The following EMC7 variants were observed in gnomAD, a reference collection of about 807,000 sequenced individuals.
EMC7 encodes the protein ER membrane protein complex subunit 7.
In EMC7, 4 loss-of-function variants were observed where a neutral mutation model predicts 24.4. That is an observed-to-expected ratio of 0.16 (90% CI 0.08 to 0.38). EMC7 has a LOEUF of 0.38. Among genes scored for constraint, EMC7 ranks in the 10% least tolerant of loss-of-function variants. The pLI, the probability that EMC7 is intolerant of heterozygous loss-of-function variation, is 1.00. For synonymous variants in EMC7, 106 were observed against 112.0 expected (o/e 0.95, Z 0.34); for missense variants, 221 against 300.6 (o/e 0.74, Z 1.96).
At chr15:34,098,162 C>T (rs34196590) in intron 1 of EMC7, among the ~76,000 whole-genome samples, 14,204 of 152,058 alleles carry the variant, frequency 0.093, 884 homozygotes, top group East Asian at 0.31. Flanking sequence ...CCCCCCAGAC[C>T]TCTCACTGAC....
Position 34,093,486 on chromosome 15 carries a change from G to A in EMC7, c.356+2409C>T, listed in dbSNP as rs562786463. 1.0e-4 allele frequency among the ~76,000 whole-genome samples: 15 copies of A among 150,500 alleles called. No homozygotes were observed. The East Asian group carries it at 1.9e-3, about 20-fold the overall frequency. On this transcript the variant is annotated intron_variant, in intron 2 of 4. Coordinates refer to ENST00000256545, the MANE Select transcript of EMC7 (RefSeq NM_020154.3). ...GTTGAACCATTGTAAGCTGGGGACC[G>A]TCTATATTTAAAACAATATTCCTAT...
intron 1 of EMC7, among the ~76,000 whole-genome samples, chr15:34,099,130 T>G (rs1160686353): frequency 6.6e-6 from 1 of 152,128 alleles, no homozygotes; most frequent in Non-Finnish European, 1.5e-5. Context: ...TCCTTATTTT[T>G]TGGAGATACA....
In EMC7 at chr15:34,101,717, T is replaced by C; in HGVS notation, c.123A>G (p.Ile41Met). The change falls in exon 1 of 5, where the codon ATA becomes ATG. Residue 41 changes from isoleucine (I) to methionine (M), a missense_variant. Coordinates refer to ENST00000256545, the MANE Select transcript of EMC7 (RefSeq NM_020154.3). ...AEGSGGSGVG[I>M]GDRFKIEGRA... ...GCCCCTCAATCTTGAAGCGATCTCC[T>C]ATGCCGACCCCACTCCCTCCCGATC... is the stretch of plus-strand genomic sequence containing the variant. 1.2e-6 allele frequency: 2 copies of C among 1,613,528 alleles called. No homozygotes were observed. The highest frequency in any genetic ancestry group is 1.7e-6 in the Non-Finnish European group (2 of 1,179,904).
chr15:34,096,081 T>C, intron 1 of EMC7, 67 bp from the exon 2 acceptor site: 1 of 1,408,222 alleles, frequency 7.1e-7, no homozygotes, highest in Non-Finnish European at 9.4e-7. Context: ...ACTTGCTAAT[T>C]CCCAAATCAA....
chr15:34,084,513 T>C lies in EMC7; in HGVS notation c.577-27A>G, dbSNP rs750083684. 1.3e-5 allele frequency: 20 copies of C among 1,597,276 alleles called. No homozygotes were observed. In the East Asian group the frequency reaches 3.1e-4, roughly 25 times the overall value. On this transcript the variant is annotated intron_variant, in intron 4 of 4. Coordinates refer to ENST00000256545, the MANE Select transcript of EMC7 (RefSeq NM_020154.3). ...TGCAAGAAGACAAGGCACAATGATA[T>C]GTAGGATCCTTCGAGTCTTTTAACT...
chr15:34,090,546 T>C (rs1900961340), intron 2 of EMC7, 91 bp from the exon 3 acceptor site: 8 of 1,329,048 alleles, frequency 6.0e-6, no homozygotes, highest in Admixed American at 5.5e-5. Context: ...CAATGCCTTA[T>C]ACACACTTTC....
intron 1 of EMC7, among the ~76,000 whole-genome samples, chr15:34,097,968 C>CA (rs34286000): frequency 0.71 from 88,763 of 125,506 alleles, 32,019 homozygotes; most frequent in Non-Finnish European, 0.84. Flanking sequence ...GACTCCGTCT[C>CA]AAAAAAAAAA....
chr15:34,092,369 G>A (rs1296292741), intron 2 of EMC7, among the ~76,000 whole-genome samples: 2 of 151,590 alleles, frequency 1.3e-5, no homozygotes, highest in Admixed American at 1.3e-4. Context: ...ATTTTTTTGA[G>A]ACGAAATATT....
intron 2 of EMC7, among the ~76,000 whole-genome samples, chr15:34,091,586 AG>A (rs1402502168): frequency 6.6e-6 from 1 of 152,144 alleles, no homozygotes; most frequent in Non-Finnish European, 1.5e-5. Context: ...ATCAGTTTTC[AG>A]GGGAGACTTT....
rs185513320 is a variant in EMC7, at chr15:34,087,211, G to A, written c.576+842C>T. Among the ~76,000 whole-genome samples the A allele has an allele frequency of 9.4e-3, 1,432 of 152,218 alleles. 9 individuals are homozygous for A. The highest frequency in any genetic ancestry group is 0.014 in the Non-Finnish European group (927 of 68,016). ...TAGAAATTGATAAATGTTTACTCAG[G>A]AATGAATAAAATGTCACCACATCTA... On this transcript the variant is annotated intron_variant, in intron 4 of 4. Transcript: ENST00000256545.
chr15:34,098,594 T>G (rs1401907270), intron 1 of EMC7, among the ~76,000 whole-genome samples: 2 of 151,440 alleles, frequency 1.3e-5, no homozygotes, highest in Admixed American at 6.6e-5. Flanking sequence ...TAGCTGGGAT[T>G]ACAGACTACC....
intron 1 of EMC7, among the ~76,000 whole-genome samples, chr15:34,098,346 A>G (rs968463299): frequency 6.6e-6 from 1 of 152,120 alleles, no homozygotes; most frequent in Non-Finnish European, 1.5e-5. Flanking sequence ...CTGTTTCCCA[A>G]CACCATGACT....
At chr15:34,085,282 A>G (rs1900860510) in intron 4 of EMC7, among the ~76,000 whole-genome samples, 2 of 152,188 alleles carry the variant, frequency 1.3e-5, no homozygotes, top group African/African-American at 4.8e-5. Flanking sequence ...AAAACAGGAT[A>G]GGACTTGGCA....
At chr15:34,099,919 C>A (rs17817764) in intron 1 of EMC7, among the ~76,000 whole-genome samples, 26,424 of 152,180 alleles carry the variant, frequency 0.17, 2,553 homozygotes, top group Middle Eastern at 0.26. Context: ...ATCAACCTTT[C>A]TACATACAAA....
In EMC7 at chr15:34,101,809, C is replaced by T; in HGVS notation, c.31G>A (p.Val11Ile). The T allele has an allele frequency of 6.2e-7, 1 of 1,610,974 alleles. No individual in the cohort carries two copies. The highest frequency in any genetic ancestry group is 1.3e-5 in the African/African-American group (1 of 75,024). MAAALWGFFP[V>I]LLLLLLSGDV... ...CCCGATAGCAGCAGCAGCAGCAGGA[C>T]GGGAAAGAAGCCCCACAGAGCGGCC... The change falls in exon 1 of 5, where the codon GTC (valine) becomes ATC (isoleucine). Residue 11 changes from valine (V) to isoleucine (I), a missense_variant. This residue lies in a region of EMC7 where 156 missense variants were observed against 177.1 expected (regional missense o/e 0.88). Coordinates refer to ENST00000256545, the MANE Select transcript of EMC7 (RefSeq NM_020154.3).
At chr15:34,094,462 G>T (rs1212448426) in intron 2 of EMC7, among the ~76,000 whole-genome samples, 1 of 152,066 alleles carries the variant, frequency 6.6e-6, no homozygotes, top group Non-Finnish European at 1.5e-5. Context: ...TTGAACCCAG[G>T]AGGCAGAGGT....
At chr15:34,092,622 A>C (rs1900996284) in intron 2 of EMC7, among the ~76,000 whole-genome samples, 1 of 152,170 alleles carries the variant, frequency 6.6e-6, no homozygotes, top group African/African-American at 2.4e-5. Context: ...CTGGGATTAC[A>C]GGTGTGAGCC....
At chr15:34,101,055 A>G (rs1567504555) in intron 1 of EMC7, 1 of 24,588 alleles carries the variant, frequency 4.1e-5, no homozygotes, top group Non-Finnish European at 1.4e-3. Flanking sequence ...CAAGCAAAAA[A>G]AAAAAGAAAA....
chr15:34,084,979 G>T (rs1900854337), intron 4 of EMC7, among the ~76,000 whole-genome samples: 1 of 147,172 alleles, frequency 6.8e-6, no homozygotes, highest in African/African-American at 2.5e-5. Context: ...ACTTTTTTCT[G>T]ATACTGAATA....
Sources: gnomAD v4.1 joint callset for allele counts (sites outside exome capture counted in the v4.1 genomes callset) on GRCh38, gnomAD v4.1.1 for gene constraint, gnomAD v4.1.1 regional missense constraint, MANE v1.5 for transcripts, NCBI Gene and HGNC (gene_info 2026-07-23, HGNC 2026-07-21) for gene names.